TXNRD3: variants seen among roughly 807,000 people sequenced by gnomAD.
TXNRD3 encodes TXNRD3 neighbor gene protein.
In TXNRD3, 68 loss-of-function variants were observed where a neutral mutation model predicts 78.2. That is an observed-to-expected ratio of 0.87 (90% CI 0.72 to 1.06). The LOEUF (loss-of-function observed/expected upper bound fraction) is 1.06, where lower values mean the gene tolerates loss of function less well. TXNRD3 is among the 50% of genes least tolerant of loss of function. The probability of loss-of-function intolerance (pLI) is 0.00; values close to 1 mark genes in which losing one functional copy is unlikely to be tolerated. For synonymous variants in TXNRD3, 296 were observed against 300.1 expected, an observed-to-expected ratio of 0.99 and a Z score of 0.14; for missense variants, 751 against 809.5, an observed-to-expected ratio of 0.93 and a Z score of 0.88.
In TXNRD3 at chr3:126,642,121, C is replaced by T; in HGVS notation, c.623G>A (p.Cys208Tyr). The stretch of plus-strand genomic sequence containing the variant: ...CTGATGCATCAATTTCTTAGGAATA[C>T]AACCTACATTTACACAAGTGCCACC... Residue 208 changes from cysteine to tyrosine, a missense_variant, in exon 6 of 16, where the codon TGT becomes TAT. Physicochemically the swap from Cys to Tyr is radical, Grantham distance 194. Transcript: ENST00000524230. 1 of 1,536,208 alleles carries T rather than the reference C, an allele frequency of 6.5e-7. No homozygotes were observed. The highest frequency in any genetic ancestry group is 1.4e-5 in the African/African-American group (1 of 73,136).
intron 6 of TXNRD3, 145 bp downstream of exon 6, chr3:126,641,887 T>A: frequency 9.5e-7 from 1 of 1,048,272 alleles, no homozygotes; most frequent in Non-Finnish European, 1.3e-6. Flanking sequence ...TTGCATCCTC[T>A]GTGCCTGGCT....
chr3:126,645,783 A>C (rs565742495), intron 3 of TXNRD3, among the ~76,000 whole-genome samples: 1 of 152,296 alleles, frequency 6.6e-6, no homozygotes, highest in South Asian at 2.1e-4. Context: ...TAATTGTCCT[A>C]GACAAGAATG....
chr3:126,612,172 G>A (rs1938213964), intron 13 of TXNRD3, among the ~76,000 whole-genome samples: 1 of 151,944 alleles, frequency 6.6e-6, no homozygotes, highest in Non-Finnish European at 1.5e-5. Flanking sequence ...CAAGTAGCTG[G>A]GACTACAGGT....
At chr3:126,644,258 C>T in intron 4 of TXNRD3, 39 bp downstream of exon 4, 1 of 1,498,284 alleles carries the variant, frequency 6.7e-7, no homozygotes, top group Non-Finnish European at 9.0e-7. Context: ...TGGCAGTCAT[C>T]AGGAAAATTA....
chr3:126,651,073 C>T (rs1413622608), intron 1 of TXNRD3, among the ~76,000 whole-genome samples: 15 of 152,162 alleles, frequency 9.9e-5, no homozygotes, highest in Admixed American at 9.8e-4. Flanking sequence ...AATGAAGAAA[C>T]AAATCTCTCT....
At chr3:126,611,206 T>C (rs1938192264) in intron 13 of TXNRD3, 74 bp from the exon 14 acceptor site, 2 of 951,708 alleles carry the variant, frequency 2.1e-6, no homozygotes, top group Non-Finnish European at 3.0e-6. Flanking sequence ...TCTTTAATTC[T>C]ATAAAGGCAA....
At chr3:126,645,969 T>C (rs944832003) in intron 3 of TXNRD3, 142 bp downstream of exon 3, 10 of 638,194 alleles carry the variant, frequency 1.6e-5, no homozygotes, top group African/African-American at 1.1e-4. Flanking sequence ...AAGCAATCAG[T>C]ATTATCTGAT....
rs1938211248 is a variant in TXNRD3 at position 126,612,058 on chromosome 3, A to C, written c.1633-926T>G. Among the ~76,000 whole-genome samples, 3 of 152,094 alleles carry C rather than the reference A, an allele frequency of 2.0e-5. No individual in the cohort carries two copies. The South Asian group carries it at 6.2e-4, about 32-fold the overall frequency. On this transcript the variant is annotated intron_variant, in intron 13 of 15. Coordinates refer to ENST00000524230, the MANE Select transcript of TXNRD3 (RefSeq NM_052883.3). ...TTTATTTGTTTGTTTGTTTGTTTTG[A>C]GACAGGGTCTCACTTTGTCACCCAA... is the stretch of plus-strand genomic sequence containing the variant.
intron 4 of TXNRD3, 40 bp downstream of exon 4, chr3:126,644,257 T>C (rs1287453838): frequency 1.3e-6 from 2 of 1,490,730 alleles, no homozygotes; most frequent in South Asian, 2.4e-5. Context: ...ATGGCAGTCA[T>C]CAGGAAAATT....
intron 10 of TXNRD3, among the ~76,000 whole-genome samples, chr3:126,623,851 CCAAAA>C (rs1938509619): frequency 1.1e-5 from 1 of 89,760 alleles, no homozygotes; most frequent in Non-Finnish European, 2.3e-5. Flanking sequence ...TGAAACAAGG[CCAAAA>C]AAAAAAAAAA....
intron 8 of TXNRD3, 71 bp from the exon 9 acceptor site, chr3:126,631,008 A>G: frequency 7.1e-7 from 1 of 1,406,378 alleles, no homozygotes; most frequent in Non-Finnish European, 9.5e-7. Context: ...GTTTCAGTGT[A>G]TAATGGTCTT....
In TXNRD3 at chr3:126,622,445, G is replaced by C; in HGVS notation, c.1367+19C>G. 6.6e-7 allele frequency: 1 copy of C among 1,519,786 alleles called. No individual in the cohort carries two copies. Among genetic ancestry groups the C allele is most frequent in the South Asian group, 1.2e-5 (1 of 82,380 alleles). 94.1% of individuals were successfully genotyped at this position (1,519,786 alleles called of 1,614,324 possible). A position where few individuals can be genotyped will look rare whatever the true frequency, so the allele number is the denominator to read the frequency against. On this transcript the variant is annotated intron_variant, in intron 11 of 15. Coordinates refer to ENST00000524230, the MANE Select transcript of TXNRD3 (RefSeq NM_052883.3). Reference sequence around the variant, plus strand: ...TGTTGCTTTGTGCAGCAACAGTGCAGTGATCCCAATATACTTACTTCTCAT... The same window carrying C: ...TGTTGCTTTGTGCAGCAACAGTGCACTGATCCCAATATACTTACTTCTCAT...
intron 6 of TXNRD3, among the ~76,000 whole-genome samples, chr3:126,634,969 C>T (rs1938819590): frequency 6.6e-6 from 1 of 152,166 alleles, no homozygotes. Flanking sequence ...ACACACACGG[C>T]CCTTTCTATG....
At chr3:126,636,338 C>T (rs1419552603) in intron 6 of TXNRD3, among the ~76,000 whole-genome samples, 3 of 152,074 alleles carry the variant, frequency 2.0e-5, no homozygotes, top group African/African-American at 7.2e-5. Flanking sequence ...AATCTATGTA[C>T]TTTTTCTATC....
At chr3:126,620,441 T>C (rs548669422) in intron 12 of TXNRD3, among the ~76,000 whole-genome samples, 2 of 152,122 alleles carry the variant, frequency 1.3e-5, no homozygotes, top group South Asian at 2.1e-4. Flanking sequence ...TTAGGAGATA[T>C]ATACTGAAGT....
chr3:126,654,720 C>T (rs1362291796), intron 1 of TXNRD3, 28 bp downstream of exon 1: 13 of 1,269,134 alleles, frequency 1.0e-5, no homozygotes, highest in African/African-American at 6.2e-5. Context: ...CGGTCGCGCG[C>T]GGTGGAACCG....
intron 10 of TXNRD3, among the ~76,000 whole-genome samples, chr3:126,629,130 G>A (rs1187297662): frequency 6.6e-6 from 1 of 152,040 alleles, no homozygotes; most frequent in African/African-American, 2.4e-5. Context: ...CCAAAAGTAA[G>A]CACACATCTG....
intron 5 of TXNRD3, 45 bp from the exon 6 acceptor site, chr3:126,642,196 T>C: frequency 6.6e-7 from 1 of 1,509,822 alleles, no homozygotes; most frequent in South Asian, 1.3e-5. Flanking sequence ...GTGTCTAGTT[T>C]CACACATCTG....
chr3:126,649,930 T>C (rs1045980075), intron 1 of TXNRD3, among the ~76,000 whole-genome samples: 9 of 152,194 alleles, frequency 5.9e-5, no homozygotes, highest in Non-Finnish European at 8.8e-5. Context: ...CTGCTGATGG[T>C]TGCACAACAA....
Sources: gnomAD v4.1 joint callset for allele counts (sites outside exome capture counted in the v4.1 genomes callset) on GRCh38, gnomAD v4.1.1 for gene constraint, MANE v1.5 for transcripts, NCBI Gene and HGNC (gene_info 2026-07-23, HGNC 2026-07-21) for gene names.